TSPAN13: variants seen among roughly 807,000 people sequenced by gnomAD.
TSPAN13 encodes tetraspanin-13.
Under a neutral mutation model 26.9 loss-of-function variants are expected in TSPAN13, and 18 were observed. The observed-to-expected ratio is 0.67, with a 90% CI of 0.46 to 0.99. The LOEUF is 0.99. Ranked by LOEUF, TSPAN13 falls within the 50% of genes least tolerant of loss-of-function variation. The pLI, the probability that TSPAN13 is intolerant of heterozygous loss-of-function variation, is 0.00. For missense variants in TSPAN13, 201 were observed against 249.6 expected (o/e 0.81, Z 1.31); for synonymous variants, 116 against 98.4 (o/e 1.18, Z -1.06).
intron 1 of TSPAN13, chr7:16,775,973 T>C (rs1482052994): frequency 4.9e-6 from 2 of 407,222 alleles, no homozygotes; most frequent in Non-Finnish European, 8.7e-6. Context: ...ATTTTGCGTA[T>C]TATCAGTCTT....
intron 1 of TSPAN13, among the ~76,000 whole-genome samples, chr7:16,774,128 G>C (rs1027812569): frequency 6.6e-6 from 1 of 152,164 alleles, no homozygotes; most frequent in Non-Finnish European, 1.5e-5. Context: ...AAGGTTTTCT[G>C]AGGAAGAAGG....
chr7:16,775,860 G>A (rs1172289532), intron 1 of TSPAN13: 3 of 178,880 alleles, frequency 1.7e-5, no homozygotes, highest in South Asian at 1.6e-4. Flanking sequence ...ATGTTGGACC[G>A]AGCTTGGCAT....
At chr7:16,773,846 A>G (rs1034477516) in intron 1 of TSPAN13, among the ~76,000 whole-genome samples, 4 of 152,198 alleles carry the variant, frequency 2.6e-5, no homozygotes, top group African/African-American at 4.8e-5. Context: ...GACTTAAAAG[A>G]TACAATGTAA....
intron 5 of TSPAN13, 125 bp from the exon 6 acceptor site, chr7:16,783,292 C>G: frequency 1.1e-6 from 1 of 909,994 alleles, no homozygotes. Context: ...AAAAAAATCT[C>G]TCCCCGTTGA....
At chr7:16,778,663 A>T (rs929243146) in intron 4 of TSPAN13, among the ~76,000 whole-genome samples, 1 of 151,940 alleles carries the variant, frequency 6.6e-6, no homozygotes, top group Admixed American at 6.5e-5. Flanking sequence ...ACAATGTGGC[A>T]GCATCAAAGT....
intron 1 of TSPAN13, among the ~76,000 whole-genome samples, chr7:16,767,367 A>AT (rs1271422752): frequency 6.6e-6 from 1 of 152,124 alleles, no homozygotes; most frequent in Non-Finnish European, 1.5e-5. Flanking sequence ...TTTCCTTTAC[A>AT]TTTTTTTGAA....
intron 2 of TSPAN13, 61 bp downstream of exon 2, chr7:16,776,439 T>G: frequency 6.6e-7 from 1 of 1,508,558 alleles, no homozygotes; most frequent in Non-Finnish European, 9.0e-7. Flanking sequence ...TACAACTAAT[T>G]TAATATTATC....
At chr7:16,765,697 C>T (rs1784596944) in intron 1 of TSPAN13, among the ~76,000 whole-genome samples, 1 of 152,210 alleles carries the variant, frequency 6.6e-6, no homozygotes, top group Admixed American at 6.5e-5. Flanking sequence ...CTTATAAAAA[C>T]ATTACCAGCA....
chr7:16,757,920 G>A (rs778974639), intron 1 of TSPAN13, among the ~76,000 whole-genome samples: 2 of 152,052 alleles, frequency 1.3e-5, no homozygotes, highest in African/African-American at 2.4e-5. Flanking sequence ...TGCAACCTCC[G>A]CCTCCTGGGT....
At chr7:16,775,445 C>G (rs574316400) in intron 1 of TSPAN13, among the ~76,000 whole-genome samples, 2 of 152,336 alleles carry the variant, frequency 1.3e-5, no homozygotes, top group Admixed American at 1.3e-4. Context: ...GCTAAAGTCT[C>G]TTACATTCTT....
At chr7:16,767,603 A>T (rs1337022654) in intron 1 of TSPAN13, among the ~76,000 whole-genome samples, 1 of 152,074 alleles carries the variant, frequency 6.6e-6, no homozygotes, top group Non-Finnish European at 1.5e-5. Flanking sequence ...GATACATATA[A>T]TTTTCCTAGG....
intron 1 of TSPAN13, among the ~76,000 whole-genome samples, chr7:16,762,595 TAG>T (rs1350875811): frequency 6.6e-6 from 1 of 152,188 alleles, no homozygotes; most frequent in Admixed American, 6.5e-5. Context: ...ATGTTAGGAA[TAG>T]AGTTTAGCCG....
chr7:16,757,310 T>G (rs1784490594), intron 1 of TSPAN13, among the ~76,000 whole-genome samples: 1 of 152,184 alleles, frequency 6.6e-6, no homozygotes, highest in African/African-American at 2.4e-5. Flanking sequence ...TTTTAATAGT[T>G]TATAGGAATA....
intron 1 of TSPAN13, among the ~76,000 whole-genome samples, chr7:16,760,452 C>T (rs191938630): frequency 1.2e-4 from 19 of 152,154 alleles, no homozygotes; most frequent in East Asian, 7.8e-4. Context: ...ATAGATTTGC[C>T]GTTAACTAGG....
At chr7:16,760,760 C>CTT (rs1363311783) in intron 1 of TSPAN13, among the ~76,000 whole-genome samples, 1 of 152,100 alleles carries the variant, frequency 6.6e-6, no homozygotes, top group Non-Finnish European at 1.5e-5. Flanking sequence ...AGGTTGGTGT[C>CTT]TCAGAAGTCA....
chr7:16,757,126 A>G (rs1455768880), intron 1 of TSPAN13, among the ~76,000 whole-genome samples: 2 of 152,168 alleles, frequency 1.3e-5, no homozygotes, highest in East Asian at 3.9e-4. Context: ...TAAGGAATAT[A>G]CTGACTTTAG....
chr7:16,767,168 C>T (rs1292797131), intron 1 of TSPAN13, among the ~76,000 whole-genome samples: 1 of 152,160 alleles, frequency 6.6e-6, no homozygotes, highest in African/African-American at 2.4e-5. Context: ...CTCTCCAGTC[C>T]CTTTCCCATT....
chr7:16,763,661 G>A (rs182680663), intron 1 of TSPAN13, among the ~76,000 whole-genome samples: 15 of 152,246 alleles, frequency 9.9e-5, no homozygotes, highest in Admixed American at 7.2e-4. Flanking sequence ...TGCAGGACAC[G>A]CTTATTGACC....
intron 1 of TSPAN13, among the ~76,000 whole-genome samples, chr7:16,758,142 T>C (rs952658311): frequency 1.3e-5 from 2 of 152,204 alleles, no homozygotes; most frequent in Non-Finnish European, 2.9e-5. Flanking sequence ...TATAAAATGC[T>C]CCCGGCCTGG....
Sources: allele counts gnomAD v4.1 joint callset (sites outside exome capture counted in the v4.1 genomes callset), GRCh38; gene constraint gnomAD v4.1.1; transcripts MANE v1.5; gene names NCBI Gene and HGNC (gene_info 2026-07-23, HGNC 2026-07-21).